CFAP299: variants seen among roughly 807,000 people sequenced by gnomAD.
CFAP299 encodes cilia- and flagella-associated protein 299.
CFAP299 carries 21 observed loss-of-function variants against 27.0 expected under a neutral mutation model. The observed-to-expected ratio is 0.78, with a 90% CI of 0.55 to 1.12. The LOEUF is 1.12. CFAP299 is among the 50% of genes most tolerant of loss of function. CFAP299 has a pLI of 0.00. For synonymous variants in CFAP299, 104 were observed against 98.1 expected (o/e 1.06, Z -0.36); for missense variants, 310 against 276.6 (o/e 1.12, Z -0.86).
chr4:80,550,439 GT>G (rs1282582003), intron 2 of CFAP299, among the ~76,000 whole-genome samples: 2 of 151,960 alleles, frequency 1.3e-5, no homozygotes, highest in Admixed American at 1.3e-4. Context: ...ATCTACATAT[GT>G]TTGACTGATC....
chr4:80,877,452 T>C (rs1733454034), intron 4 of CFAP299, among the ~76,000 whole-genome samples: 1 of 152,170 alleles, frequency 6.6e-6, no homozygotes, highest in African/African-American at 2.4e-5. Flanking sequence ...TCATGCACAG[T>C]TTGGTCCATT....
At chr4:80,689,089 G>T (rs2110013719) in intron 3 of CFAP299, among the ~76,000 whole-genome samples, 1 of 152,274 alleles carries the variant, frequency 6.6e-6, no homozygotes, top group Non-Finnish European at 1.5e-5. Context: ...AAGTGACGGG[G>T]AGAATGGAAC....
intron 3 of CFAP299, among the ~76,000 whole-genome samples, chr4:80,769,084 A>G (rs1165521869): frequency 6.6e-6 from 1 of 152,204 alleles, no homozygotes; most frequent in East Asian, 1.9e-4. Flanking sequence ...CTTAGGTTAA[A>G]TCTTTGAGAG....
intron 3 of CFAP299, among the ~76,000 whole-genome samples, chr4:80,743,192 TTG>T (rs1378526626): frequency 6.6e-6 from 1 of 152,018 alleles, no homozygotes; most frequent in South Asian, 2.1e-4. Flanking sequence ...GGTCAGGAGT[TTG>T]TGACCAGCCT....
At chr4:80,631,341 TGA>T (rs1739195989) in intron 3 of CFAP299, among the ~76,000 whole-genome samples, 1 of 152,098 alleles carries the variant, frequency 6.6e-6, no homozygotes, top group African/African-American at 2.4e-5. Flanking sequence ...ATAAATTGTA[TGA>T]GAGTCAGTGC....
At chr4:80,466,249 A>G (rs1485742181) in intron 2 of CFAP299, among the ~76,000 whole-genome samples, 1 of 152,234 alleles carries the variant, frequency 6.6e-6, no homozygotes, top group Non-Finnish European at 1.5e-5. Flanking sequence ...AGTACAAGTT[A>G]AATGCCCTTT....
At chr4:80,468,641 C>T (rs1023440274) in intron 2 of CFAP299, among the ~76,000 whole-genome samples, 2 of 151,464 alleles carry the variant, frequency 1.3e-5, no homozygotes, top group African/African-American at 2.4e-5. Context: ...TCAAGACCAG[C>T]CTGGCCAATA....
chr4:80,328,156 G>C, the CFAP299 span, among the ~76,000 whole-genome samples: 1 of 152,104 alleles, frequency 6.6e-6, no homozygotes, highest in East Asian at 1.9e-4. Context: ...AATGAGGAAG[G>C]GGTGATGATA....
chr4:80,931,965 C>G (rs1736647866), intron 4 of CFAP299, among the ~76,000 whole-genome samples: 1 of 152,130 alleles, frequency 6.6e-6, no homozygotes, highest in South Asian at 2.1e-4. Context: ...CCTTCCCTCT[C>G]CCTGTGGTTT....
At chr4:80,879,456 T>C (rs28533255) in intron 4 of CFAP299, among the ~76,000 whole-genome samples, 8,890 of 152,204 alleles carry the variant, frequency 0.058, 346 homozygotes, top group East Asian at 0.16. Flanking sequence ...TGTATATTTA[T>C]CTATTCTTTG....
intron 3 of CFAP299, among the ~76,000 whole-genome samples, chr4:80,635,648 CATAAAG>C (rs1398795004): frequency 1.3e-5 from 2 of 152,066 alleles, no homozygotes; most frequent in South Asian, 2.1e-4. Flanking sequence ...ATAAGAGAAA[CATAAAG>C]ATAAAGTGAA....
At chr4:80,435,081 CAG>C (rs1468147844) in intron 2 of CFAP299, among the ~76,000 whole-genome samples, 1 of 152,144 alleles carries the variant, frequency 6.6e-6, no homozygotes. Context: ...CATAATTTCA[CAG>C]AGAGTACTAT....
intron 2 of CFAP299, among the ~76,000 whole-genome samples, chr4:80,533,568 G>A (rs1733574791): frequency 6.6e-6 from 1 of 151,858 alleles, no homozygotes. Context: ...CCTGCCTCAG[G>A]GAAAGTTTAA....
At chr4:80,654,307 A>G (rs1740450998) in intron 3 of CFAP299, among the ~76,000 whole-genome samples, 1 of 152,060 alleles carries the variant, frequency 6.6e-6, no homozygotes, top group Non-Finnish European at 1.5e-5. Flanking sequence ...CAGAGCAGAT[A>G]TTTTGGTGGT....
At chr4:80,616,865 ATTTAT>A (rs1433741707) in intron 3 of CFAP299, among the ~76,000 whole-genome samples, 2 of 152,278 alleles carry the variant, frequency 1.3e-5, no homozygotes, top group Non-Finnish European at 1.5e-5. Context: ...TACATAATAT[ATTTAT>A]TTTAAGAATT....
At chr4:80,793,601 C>T (rs953740579) in intron 3 of CFAP299, among the ~76,000 whole-genome samples, 3 of 152,108 alleles carry the variant, frequency 2.0e-5, no homozygotes, top group Admixed American at 1.3e-4. Flanking sequence ...GTCATAATTT[C>T]ATCTAACATA....
intron 3 of CFAP299, among the ~76,000 whole-genome samples, chr4:80,856,424 A>T (rs1560447488): frequency 6.6e-6 from 1 of 151,422 alleles, no homozygotes; most frequent in African/African-American, 2.4e-5. Context: ...CCCATTTGTC[A>T]ATTTTGGCTT....
In CFAP299 at chr4:80,386,955, G is replaced by T. The variant is rs143405073; in HGVS notation, c.242+24071G>T. The T allele has an allele frequency of 3.2e-3, 2,866 of 906,902 alleles. 42 individuals carry two copies. The African/African-American group carries it at 0.037, about 12-fold the overall frequency. The allele number at this position is 906,902 out of a possible 1,614,324, so 56.2% of individuals were successfully genotyped here. A position where few individuals can be genotyped will look rare whatever the true frequency, so the allele number is the denominator to read the frequency against. On this transcript the variant is annotated intron_variant, in intron 2 of 5. Transcript: ENST00000358105. ...CAGTTTGAGGTAATGCACCCGCCGGGAGGACTTCTTGCACACCTGGCCCTT... is the reference window on the plus strand; with the variant it reads ...CAGTTTGAGGTAATGCACCCGCCGGTAGGACTTCTTGCACACCTGGCCCTT...
At chr4:80,555,733 T>C (rs1160692270) in intron 2 of CFAP299, among the ~76,000 whole-genome samples, 1 of 152,110 alleles carries the variant, frequency 6.6e-6, no homozygotes, top group Admixed American at 6.6e-5. Flanking sequence ...TGGGAGGATG[T>C]ATGTGTCCAG....
Sources: gnomAD v4.1 joint callset for allele counts (sites outside exome capture counted in the v4.1 genomes callset) on GRCh38, gnomAD v4.1.1 for gene constraint, MANE v1.5 for transcripts, NCBI Gene and HGNC (gene_info 2026-07-23, HGNC 2026-07-21) for gene names.